KRT72: variants seen among roughly 807,000 people sequenced by gnomAD.
The protein encoded by KRT72 is keratin 72.
In KRT72, 44 loss-of-function variants were observed where a neutral mutation model predicts 44.7. That is an observed-to-expected ratio of 0.98 (90% CI 0.77 to 1.27). The LOEUF is 1.27. Ranked by LOEUF, KRT72 falls within the 50% of genes most tolerant of loss-of-function variation. KRT72 has a pLI of 0.00. For missense variants in KRT72, 736 were observed against 667.1 expected, an observed-to-expected ratio of 1.10 and a Z score of -1.14; for synonymous variants, 302 against 280.4, an observed-to-expected ratio of 1.08 and a Z score of -0.77.
chr12:52,586,146 C>T lies in KRT72; in HGVS notation c.1372G>A (p.Ala458Thr), dbSNP rs1327934835. ...ISVISSTNAGAGGAGFSMGFG... is the reference protein window; with the variant it reads ...ISVISSTNAGTGGAGFSMGFG... ...CCCATGCTGAAGCCAGCCCCTCCTG[C>T]CCCAGCATTGGTGCTGCTGATGACG... is the stretch of plus-strand genomic sequence containing the variant. Residue 458 changes from alanine (A) to threonine (T), a missense_variant, in exon 9 of 9, where the codon GCA becomes ACA. Physicochemically the swap from Ala to Thr is moderately conservative, Grantham distance 58. Coordinates refer to ENST00000293745, the MANE Select transcript of KRT72 (RefSeq NM_080747.3). 1 of 1,613,982 alleles carries T rather than the reference C, an allele frequency of 6.2e-7. No individual in the cohort carries two copies.
In KRT72 at chr12:52,597,306, T is replaced by C. The variant is rs116390697; in HGVS notation, c.641+1592A>G. Among the ~76,000 whole-genome samples the C allele has an allele frequency of 4.3e-3, 649 of 152,332 alleles. 2 individuals are homozygous for C. Among genetic ancestry groups the C allele is most frequent in the African/African-American group, 0.015 (620 of 41,566 alleles). ...ATGCTTAAGACATATACACTGTGCATCTTCTAGAAACTCACAGTTTAACAG... is the reference window on the plus strand; with the variant it reads ...ATGCTTAAGACATATACACTGTGCACCTTCTAGAAACTCACAGTTTAACAG... On this transcript the variant is annotated intron_variant, in intron 2 of 8. Transcript: ENST00000293745.
chr12:52,598,419 G>A (rs1176288517), intron 2 of KRT72, among the ~76,000 whole-genome samples: 1 of 152,162 alleles, frequency 6.6e-6, no homozygotes, highest in African/African-American at 2.4e-5. Context: ...CAACTTGGAG[G>A]AGGACACAAC....
chr12:52,586,263 C>G (rs915431342), intron 8 of KRT72, 91 bp from the exon 9 acceptor site: 3 of 1,076,844 alleles, frequency 2.8e-6, no homozygotes, highest in Admixed American at 5.1e-5. Context: ...CTCCTTTACT[C>G]TCGCCCGCAG....
At chr12:52,600,816 C>T (rs1940411640) in intron 1 of KRT72, among the ~76,000 whole-genome samples, 3 of 152,082 alleles carry the variant, frequency 2.0e-5, no homozygotes, top group Admixed American at 1.3e-4. Flanking sequence ...ATGTGCCAGG[C>T]ACTGTTCTGA....
chr12:52,595,709 G>A (rs911144392), intron 2 of KRT72, among the ~76,000 whole-genome samples: 3 of 152,188 alleles, frequency 2.0e-5, no homozygotes, highest in African/African-American at 4.8e-5. Flanking sequence ...AATTGGCATA[G>A]GTGTATTGAG....
At chr12:52,586,269 C>A (rs375701538) in intron 8 of KRT72, 97 bp from the exon 9 acceptor site, 6 of 956,930 alleles carry the variant, frequency 6.3e-6, no homozygotes, top group South Asian at 5.0e-5. Flanking sequence ...TACTCTCGCC[C>A]GCAGTGGCTT....
rs1269669147 is a variant in KRT72 at position 52,587,130 on chromosome 12, C to G, written c.1311-150G>C. 1.4e-5 allele frequency: 10 copies of G among 707,704 alleles called. No individual in the cohort carries two copies. In the African/African-American group the frequency reaches 1.4e-4, roughly 10 times the overall value. 43.8% of individuals were successfully genotyped at this position (707,704 alleles called of 1,614,324 possible). On this transcript the variant is annotated intron_variant, in intron 7 of 8. Coordinates refer to ENST00000293745, the MANE Select transcript of KRT72 (RefSeq NM_080747.3). ...TTCTTCCCACACATCCCAGTGCGAC[C>G]CCCACCAAGAAATAGAAAACTGAGA... is the stretch of plus-strand genomic sequence containing the variant.
Position 52,599,072 on chromosome 12 carries a change from T to G in KRT72, c.467A>C (p.Lys156Thr). The G allele has an allele frequency of 6.2e-7, 1 of 1,614,168 alleles. No homozygotes were observed. Among genetic ancestry groups the G allele is most frequent in the Non-Finnish European group, 8.5e-7 (1 of 1,180,030 alleles). ...LEQQNQVLET[K>T]WNLLQQLDLN... is the part of the protein sequence containing the mutation. Reference sequence around the variant, plus strand: ...GTCCAGCTGCTGTAGGAGGTTCCACTTGGTCTCTAGCACCTGATTCTGCTG... The same window carrying G: ...GTCCAGCTGCTGTAGGAGGTTCCACGTGGTCTCTAGCACCTGATTCTGCTG... The change falls in exon 2 of 9, where the codon AAG becomes ACG. Residue 156 changes from lysine to threonine, a missense_variant. Lys to Thr is a moderately conservative substitution (Grantham distance 78, BLOSUM62 -1). Coordinates refer to ENST00000293745, the MANE Select transcript of KRT72 (RefSeq NM_080747.3).
chr12:52,596,946 G>A (rs6580890), intron 2 of KRT72, among the ~76,000 whole-genome samples: 52,636 of 152,030 alleles, frequency 0.35, 9,792 homozygotes, highest in East Asian at 0.59. Flanking sequence ...GGGGAAAGTG[G>A]GATGAAAATT....
chr12:52,599,552 T>G (rs1440779814), intron 1 of KRT72: 1 of 435,414 alleles, frequency 2.3e-6, no homozygotes, highest in Non-Finnish European at 4.6e-6. Flanking sequence ...TCACAGCAAG[T>G]TACCACATCT....
intron 6 of KRT72, among the ~76,000 whole-genome samples, chr12:52,589,070 G>A (rs906089440): frequency 6.6e-6 from 1 of 152,114 alleles, no homozygotes; most frequent in Non-Finnish European, 1.5e-5. Context: ...AGCTGGGGCT[G>A]TGTGCTTGCA....
chr12:52,594,524 C>T lies in KRT72; in HGVS notation c.642-1572G>A, dbSNP rs558054179. Among the ~76,000 whole-genome samples, 49 of 152,002 alleles carry T rather than the reference C, an allele frequency of 3.2e-4. 1 individual carries two copies. Among genetic ancestry groups the T allele is most frequent in the South Asian group, 1.2e-3 (6 of 4,808 alleles). On this transcript the variant is annotated intron_variant, in intron 2 of 8. Transcript: ENST00000293745. ...ATTGCAAGGACAGAAAACCAAACAC[C>T]GCATGTTCTCACTCACAGGTAGGAA...
chr12:52,601,391 G>T lies in KRT72; in HGVS notation c.62C>A (p.Ala21Glu), dbSNP rs758215311. The change falls in exon 1 of 9, where the codon GCG becomes GAG. Residue 21 changes from alanine to glutamate, a missense_variant. Coordinates refer to ENST00000293745, the MANE Select transcript of KRT72 (RefSeq NM_080747.3). ...GERLGFSGCS[A>E]VLSGGIGSSS... ...GCTGCCGATCCCGCCAGAGAGGACC[G>T]CGGAGCAACCGCTGAAGCCCAGGCG... 29 of 1,542,282 alleles carry T rather than the reference G, an allele frequency of 1.9e-5. No homozygotes were observed. The highest frequency in any genetic ancestry group is 3.6e-5 in the South Asian group (3 of 84,104).
intron 1 of KRT72, 21 bp downstream of exon 1, chr12:52,601,006 G>C: frequency 6.2e-7 from 1 of 1,609,578 alleles, no homozygotes; most frequent in South Asian, 1.1e-5. Flanking sequence ...CGCAGGGACA[G>C]GCCAATGCCC....
chr12:52,601,351 G>A lies in KRT72; in HGVS notation c.102C>T (p.Phe34=). The A allele has an allele frequency of 3.9e-6, 6 of 1,544,298 alleles. No homozygotes were observed. Among genetic ancestry groups the A allele is most frequent in the Non-Finnish European group, 5.2e-6 (6 of 1,146,796 alleles). Reference sequence around the variant, plus strand: ...AGGCCGAGCCCTTGACCCGGGCCCGGAATGAGGCGGAGCTGCTGCCGATCC... The same window carrying A: ...AGGCCGAGCCCTTGACCCGGGCCCGAAATGAGGCGGAGCTGCTGCCGATCC... ...SGGIGSSSAS[F]RARVKGSASF... Residue 34 remains phenylalanine (F), a synonymous_variant, in exon 1 of 9, where the codon TTC becomes TTT. Transcript: ENST00000293745.
intron 2 of KRT72, among the ~76,000 whole-genome samples, chr12:52,594,597 G>A (rs1166437755): frequency 8.0e-5 from 12 of 150,302 alleles, no homozygotes; most frequent in East Asian, 8.0e-4. Flanking sequence ...ACCACACACC[G>A]AGGCCTGTTG....
At chr12:52,597,660 C>T (rs950710695) in intron 2 of KRT72, among the ~76,000 whole-genome samples, 7 of 152,152 alleles carry the variant, frequency 4.6e-5, no homozygotes, top group Non-Finnish European at 1.0e-4. Flanking sequence ...ATGCTAGTTA[C>T]TAGTGAAGCT....
At position 52,585,991 on chromosome 12, in the gene KRT72, G is replaced by A. The variant is rs766214189; in HGVS notation, c.1527C>T (p.Ala509=). 5.0e-6 allele frequency: 8 copies of A among 1,613,012 alleles called. No individual in the cohort carries two copies. In the South Asian group the frequency reaches 7.7e-5, roughly 16 times the overall value. Residue 509 remains alanine (A), a synonymous_variant, in exon 9 of 9, where the codon GCC becomes GCT. Coordinates refer to ENST00000293745, the MANE Select transcript of KRT72 (RefSeq NM_080747.3). ...GCCAACCACTTGTCCATCATCTGGA[G>A]GCCTTTTTGGTGGCACAGCTGCTCC... The part of the protein sequence containing the change: ...TSGSSCATKK[A]SR
rs1472448762 is a variant in KRT72, at chr12:52,598,928, A to G, written c.611T>C (p.Met204Thr). The G allele has an allele frequency of 1.9e-6, 3 of 1,614,034 alleles. No homozygotes were observed. The highest frequency in any genetic ancestry group is 2.5e-6 in the Non-Finnish European group (3 of 1,180,018). Residue 204 changes from methionine (M) to threonine (T), a missense_variant, in exon 2 of 9, where the codon ATG (methionine) becomes ACG (threonine). Met to Thr is a moderately conservative substitution (Grantham distance 81). Transcript: ENST00000293745. ...CTTGTAGTCCTCCACCAAATCCTGC[A>G]TGTTCCTCAGCTCCGAATCCAGCCT... ...GVRLDSELRN[M>T]QDLVEDYKKR... is the part of the protein sequence containing the mutation.
Sources: allele counts gnomAD v4.1 joint callset (sites outside exome capture counted in the v4.1 genomes callset), GRCh38; gene constraint gnomAD v4.1.1; transcripts MANE v1.5; gene names NCBI Gene and HGNC (gene_info 2026-07-23, HGNC 2026-07-21).